Variants in IGSF5 observed in about 807,000 individuals in gnomAD.
The protein encoded by IGSF5 is immunoglobulin superfamily 5 like.
IGSF5 carries 41 observed loss-of-function variants against 39.4 expected under a neutral mutation model. The ratio of observed to expected loss-of-function variants is 1.04; its 90% CI spans 0.81 to 1.35. The LOEUF (loss-of-function observed/expected upper bound fraction) is 1.35. Ranked by LOEUF, IGSF5 falls within the 40% of genes most tolerant of loss-of-function variation. The pLI is 0.00. For missense variants in IGSF5, 487 were observed against 494.6 expected (o/e 0.98, Z 0.15); for synonymous variants, 183 against 175.3 (o/e 1.04, Z -0.34).
intron 6 of IGSF5, among the ~76,000 whole-genome samples, chr21:39,788,753 A>G (rs543648170): frequency 2.6e-5 from 4 of 152,360 alleles, no homozygotes; most frequent in East Asian, 3.9e-4. Flanking sequence ...TCAAGGACTT[A>G]CAATAAGTAG....
intron 4 of IGSF5, among the ~76,000 whole-genome samples, chr21:39,777,240 G>A (rs1249717374): frequency 2.0e-5 from 3 of 152,174 alleles, no homozygotes; most frequent in Non-Finnish European, 4.4e-5. Flanking sequence ...ATCTGTGGGA[G>A]GGGGAGTGTG....
chr21:39,724,579 A>T, the IGSF5 span, among the ~76,000 whole-genome samples: 2 of 152,204 alleles, frequency 1.3e-5, no homozygotes, highest in African/African-American at 4.8e-5. Context: ...GTAAGATGTG[A>T]CTTGCTCTTC....
chr21:39,751,791 A>C (rs533331904), intron 2 of IGSF5, among the ~76,000 whole-genome samples: 3 of 152,204 alleles, frequency 2.0e-5, no homozygotes, highest in Non-Finnish European at 4.4e-5. Flanking sequence ...ACAAGCTTGT[A>C]AATGCCTTTT....
chr21:39,774,882 T>G (rs1013463013), intron 4 of IGSF5, among the ~76,000 whole-genome samples: 20 of 152,224 alleles, frequency 1.3e-4, no homozygotes, highest in Admixed American at 1.2e-3. Context: ...CTGGCACTGA[T>G]GGTGCAACTT....
intron 2 of IGSF5, among the ~76,000 whole-genome samples, chr21:39,760,802 C>T (rs897369968): frequency 6.6e-6 from 1 of 152,154 alleles, no homozygotes. Context: ...GATCTCTTGA[C>T]CTCATGATCC....
intron 8 of IGSF5, among the ~76,000 whole-genome samples, chr21:39,797,218 C>CTTTTT (rs11385437): frequency 1.6e-5 from 2 of 123,806 alleles, no homozygotes; most frequent in East Asian, 2.3e-4. Context: ...AGCTCCTTTG[C>CTTTTT]TTTTTTTTTT....
At chr21:39,754,509 C>T (rs921989637) in intron 2 of IGSF5, among the ~76,000 whole-genome samples, 7 of 152,084 alleles carry the variant, frequency 4.6e-5, no homozygotes, top group African/African-American at 9.7e-5. Flanking sequence ...GGGCTGAGTG[C>T]GATCTCAAAA....
the IGSF5 span, among the ~76,000 whole-genome samples, chr21:39,722,204 T>A: frequency 4.6e-5 from 7 of 152,068 alleles, no homozygotes; most frequent in Non-Finnish European, 1.0e-4. Context: ...CTATGGTAGG[T>A]CTACAAAAAA....
At chr21:39,739,729 C>A in the IGSF5 span, among the ~76,000 whole-genome samples, 1 of 152,060 alleles carries the variant, frequency 6.6e-6, no homozygotes, top group African/African-American at 2.4e-5. Flanking sequence ...CCTTCGATGT[C>A]GTTAACATTG....
intron 2 of IGSF5, among the ~76,000 whole-genome samples, chr21:39,750,770 G>A (rs1480425412): frequency 6.6e-6 from 1 of 152,224 alleles, no homozygotes; most frequent in Non-Finnish European, 1.5e-5. Context: ...TTGTTCTTGT[G>A]GATGTCAAGG....
At chr21:39,798,488 G>A (rs2087010381) in intron 8 of IGSF5, among the ~76,000 whole-genome samples, 1 of 152,166 alleles carries the variant, frequency 6.6e-6, no homozygotes, top group Non-Finnish European at 1.5e-5. Context: ...ACCCAGCTCA[G>A]GGCGGTGTAT....
chr21:39,719,206 T>C, the IGSF5 span, among the ~76,000 whole-genome samples: 4 of 152,196 alleles, frequency 2.6e-5, no homozygotes, highest in Admixed American at 2.6e-4. Flanking sequence ...CTTGCTATGT[T>C]GCCCAGGCTG....
At chr21:39,770,830 T>TAA (rs902069578) in intron 3 of IGSF5, 86 bp from the exon 4 acceptor site, 60 of 832,210 alleles carry the variant, frequency 7.2e-5, no homozygotes, top group Non-Finnish European at 8.3e-5. Flanking sequence ...AAGCAAAACT[T>TAA]AAAAAAAAAA....
chr21:39,731,008 A>G, the IGSF5 span, among the ~76,000 whole-genome samples: 1 of 152,198 alleles, frequency 6.6e-6, no homozygotes, highest in African/African-American at 2.4e-5. Context: ...CTCCATGGAC[A>G]AACCAGAGTG....
At chr21:39,765,266 T>C (rs1353675448) in intron 2 of IGSF5, among the ~76,000 whole-genome samples, 2 of 152,144 alleles carry the variant, frequency 1.3e-5, no homozygotes, top group African/African-American at 4.8e-5. Context: ...ATTCTGAGGA[T>C]CCGGTGGACA....
At chr21:39,755,586 C>CAAAAAAA (rs11331220) in intron 2 of IGSF5, among the ~76,000 whole-genome samples, 1 of 133,990 alleles carries the variant, frequency 7.5e-6, no homozygotes. Context: ...GACTCCATCT[C>CAAAAAAA]AAAAAAAAAA....
At chr21:39,794,387 C>T (rs1450318449) in intron 8 of IGSF5, among the ~76,000 whole-genome samples, 3 of 152,098 alleles carry the variant, frequency 2.0e-5, no homozygotes, top group African/African-American at 4.8e-5. Context: ...GAGGTACTAG[C>T]TGTAGATACT....
At chr21:39,744,458 A>G (rs913580376), upstream of IGSF5, among the ~76,000 whole-genome samples, 4 of 152,248 alleles carry the variant, frequency 2.6e-5, no homozygotes, top group Non-Finnish European at 5.9e-5. Flanking sequence ...GAGACCAATT[A>G]TTAGGCAATT....
At chr21:39,757,042 T>TA (rs66496449) in intron 2 of IGSF5, among the ~76,000 whole-genome samples, 3 of 150,984 alleles carry the variant, frequency 2.0e-5, no homozygotes, top group Non-Finnish European at 4.4e-5. Flanking sequence ...GCAGGCACAG[T>TA]CCCCCCGAGA....
Sources: allele counts gnomAD v4.1 joint callset (sites outside exome capture counted in the v4.1 genomes callset), GRCh38; gene constraint gnomAD v4.1.1; transcripts MANE v1.5; gene names NCBI Gene and HGNC (gene_info 2026-07-23, HGNC 2026-07-21).